Variants in ZMAT4 observed in about 807,000 individuals in gnomAD.
The protein encoded by ZMAT4 is zinc finger matrin-type 4, also known as zinc finger matrin-type protein 4.
ZMAT4 carries 17 observed loss-of-function variants against 28.7 expected under a neutral mutation model. That is an observed-to-expected ratio of 0.59 (90% CI 0.41 to 0.89). The LOEUF (loss-of-function observed/expected upper bound fraction) is 0.89, where lower values mean the gene tolerates loss of function less well. Among genes scored for constraint, ZMAT4 ranks in the 40% least tolerant of loss-of-function variants. ZMAT4 has a pLI of 0.00. For missense variants in ZMAT4, 240 were observed against 283.8 expected (o/e 0.85, Z 1.11); for synonymous variants, 117 against 109.2 (o/e 1.07, Z -0.44).
chr8:40,748,233 T>G (rs1170829770), intron 3 of ZMAT4, among the ~76,000 whole-genome samples: 1 of 152,222 alleles, frequency 6.6e-6, no homozygotes, highest in Non-Finnish European at 1.5e-5. Context: ...AGATGAATTA[T>G]ACGTGATTAC....
intron 1 of ZMAT4, among the ~76,000 whole-genome samples, chr8:40,897,429 C>T (rs1818915345): frequency 6.6e-6 from 1 of 152,198 alleles, no homozygotes; most frequent in Non-Finnish European, 1.5e-5. Context: ...GACACCCTAG[C>T]CTGAGACCAG....
chr8:40,894,463 G>A (rs1331999885), intron 1 of ZMAT4, among the ~76,000 whole-genome samples: 1 of 152,148 alleles, frequency 6.6e-6, no homozygotes, highest in African/African-American at 2.4e-5. Flanking sequence ...AACCAGGAAA[G>A]AGAGGTAACC....
chr8:40,673,606 C>A (rs992258900), intron 5 of ZMAT4, among the ~76,000 whole-genome samples: 1 of 152,058 alleles, frequency 6.6e-6, no homozygotes, highest in African/African-American at 2.4e-5. Context: ...GAGAAAAATG[C>A]ATTTTCTCAG....
chr8:40,611,952 T>C (rs915028437), intron 5 of ZMAT4, among the ~76,000 whole-genome samples: 1 of 152,174 alleles, frequency 6.6e-6, no homozygotes, highest in Non-Finnish European at 1.5e-5. Context: ...AGAATTTTTG[T>C]GATCAGACCC....
Position 40,740,352 on chromosome 8 carries a change from T to A in ZMAT4, c.192+27289A>T, listed in dbSNP as rs569891521. 7.9e-5 allele frequency among the ~76,000 whole-genome samples: 12 copies of A among 152,356 alleles called. 1 individual carries two copies. In the South Asian group the frequency reaches 1.0e-3, roughly 13 times the overall value. On this transcript the variant is annotated intron_variant, in intron 3 of 6. Transcript: ENST00000297737. The stretch of plus-strand genomic sequence containing the variant: ...CCATTCTAACTGACATGAGATGGTA[T>A]CTCATTGTGGTTTTGATTTGCACAA...
chr8:40,722,995 C>T (rs957690257), intron 3 of ZMAT4, among the ~76,000 whole-genome samples: 15 of 152,178 alleles, frequency 9.9e-5, no homozygotes, highest in Admixed American at 9.8e-4. Context: ...TTTCTTCCCA[C>T]CCCATTGTAA....
intron 1 of ZMAT4, among the ~76,000 whole-genome samples, chr8:40,888,887 G>C (rs907137605): frequency 3.3e-5 from 5 of 152,240 alleles, no homozygotes; most frequent in African/African-American, 1.2e-4. Context: ...TTCTGGGAAG[G>C]AAGGATGACA....
rs187321556 is a variant in ZMAT4, at chr8:40,867,375, G to A, written c.-5+30308C>T. On this transcript the variant is annotated intron_variant, in intron 1 of 6. Transcript: ENST00000297737. ...GCAGGTTGGACAAGCTTGCCGTAGC[G>A]TCTGTTTTCAAAGTGATCCTGGTGA... Among the ~76,000 whole-genome samples, 105 of 152,296 alleles carry A rather than the reference G, an allele frequency of 6.9e-4. 1 individual carries two copies. The highest frequency in any genetic ancestry group is 3.7e-3 in the East Asian group (19 of 5,182).
intron 5 of ZMAT4, among the ~76,000 whole-genome samples, chr8:40,594,420 A>C (rs1805018734): frequency 6.6e-6 from 1 of 152,236 alleles, no homozygotes; most frequent in Non-Finnish European, 1.5e-5. Flanking sequence ...GAAGAGACAG[A>C]AGAAATGAAG....
chr8:40,687,227 A>C (rs1373319512), intron 4 of ZMAT4, among the ~76,000 whole-genome samples: 1 of 152,348 alleles, frequency 6.6e-6, no homozygotes, highest in African/African-American at 2.4e-5. Context: ...ACTTAATGAC[A>C]CTTGAGACAC....
At chr8:40,689,180 A>T (rs1023154061) in intron 4 of ZMAT4, among the ~76,000 whole-genome samples, 2 of 152,190 alleles carry the variant, frequency 1.3e-5, no homozygotes, top group South Asian at 4.1e-4. Context: ...ATTAAAATAC[A>T]CTTCTGAGGG....
intron 5 of ZMAT4, among the ~76,000 whole-genome samples, chr8:40,624,667 T>C (rs1002045989): frequency 2.0e-5 from 3 of 152,202 alleles, no homozygotes; most frequent in African/African-American, 7.2e-5. Context: ...TCTTCCCAGA[T>C]CTCAGTACAT....
At chr8:40,581,137 T>C in intron 6 of ZMAT4, 28 bp downstream of exon 6, 2 of 1,585,522 alleles carry the variant, frequency 1.3e-6, no homozygotes, top group Non-Finnish European at 1.7e-6. Context: ...TCGAAGAAAC[T>C]GAAGAGTGAA....
intron 3 of ZMAT4, among the ~76,000 whole-genome samples, chr8:40,717,028 G>A (rs941522786): frequency 4.6e-5 from 7 of 152,186 alleles, no homozygotes; most frequent in African/African-American, 1.7e-4. Flanking sequence ...CCTATGAAAA[G>A]TTCTGAGCAC....
At chr8:40,816,235 G>A (rs1394910817) in intron 2 of ZMAT4, among the ~76,000 whole-genome samples, 3 of 152,134 alleles carry the variant, frequency 2.0e-5, no homozygotes, top group African/African-American at 7.2e-5. Flanking sequence ...AATGTCCTGT[G>A]CAGTCACCCA....
intron 2 of ZMAT4, among the ~76,000 whole-genome samples, chr8:40,820,178 GT>G (rs1273156216): frequency 2.0e-5 from 3 of 151,448 alleles, no homozygotes; most frequent in African/African-American, 7.3e-5. Context: ...GTGTGTGTGT[GT>G]GTGTGTGGGC....
intron 5 of ZMAT4, among the ~76,000 whole-genome samples, chr8:40,621,108 A>C (rs1223762125): frequency 6.6e-6 from 1 of 152,212 alleles, no homozygotes; most frequent in Non-Finnish European, 1.5e-5. Context: ...TACCATGAAG[A>C]ACATGGGCTC....
intron 2 of ZMAT4, among the ~76,000 whole-genome samples, chr8:40,772,351 TG>T (rs1195185766): frequency 6.6e-6 from 1 of 152,180 alleles, no homozygotes; most frequent in Non-Finnish European, 1.5e-5. Context: ...GCCTTCTCTT[TG>T]GGGGAATAAA....
chr8:40,776,621 A>G (rs929857964), intron 2 of ZMAT4, among the ~76,000 whole-genome samples: 7 of 152,210 alleles, frequency 4.6e-5, no homozygotes, highest in African/African-American at 1.4e-4. Flanking sequence ...CAGTTTGGGG[A>G]AAAAAGCACT....
Sources: allele counts gnomAD v4.1 joint callset (sites outside exome capture counted in the v4.1 genomes callset), GRCh38; gene constraint gnomAD v4.1.1; transcripts MANE v1.5; gene names NCBI Gene and HGNC (gene_info 2026-07-23, HGNC 2026-07-21).